Variants in TUBA8 observed in about 807,000 individuals in gnomAD.
TUBA8 encodes the protein tubulin alpha-8 chain.
TUBA8 carries 29 observed loss-of-function variants against 34.7 expected under a neutral mutation model. The observed-to-expected ratio is 0.84, with a 90% CI of 0.62 to 1.14. The LOEUF (loss-of-function observed/expected upper bound fraction) is 1.14, where lower values mean the gene tolerates loss of function less well. TUBA8 is among the 50% of genes most tolerant of loss of function. TUBA8 has a pLI of 0.00. For missense variants in TUBA8, 541 were observed against 599.2 expected, an observed-to-expected ratio of 0.90 and a Z score of 1.01; for synonymous variants, 226 against 231.2, an observed-to-expected ratio of 0.98 and a Z score of 0.21.
rs1398902987 is a variant in TUBA8, at chr22:18,118,623, T to C, written c.4-2856T>C. The C allele has an allele frequency of 6.6e-6, 1 of 152,252 alleles. No homozygotes were observed. Among genetic ancestry groups the C allele is most frequent in the Non-Finnish European group, 1.5e-5 (1 of 68,054 alleles). The allele number at this position is 152,252 out of a possible 1,614,324, so 9.4% of individuals were successfully genotyped here. On this transcript the variant is annotated intron_variant, in intron 1 of 4. Transcript: ENST00000330423. The surrounding 1 kb of genome is among the most constrained non-coding windows in gnomAD (Gnocchi z 4.0). ...AGCAGGGATCTTCCTTCTCTCTTGA[T>C]TGGTGTAGCTACTTTTCACTTTTGA...
chr22:18,131,283 A>T lies in TUBA8; in HGVS notation c.*147A>T, dbSNP rs1857907640. ...GCCTGGCCCCAGTACCCAGGGTGGCACGACTGGGCTAAGTGGACACTGAGC... is the reference window on the plus strand; with the variant it reads ...GCCTGGCCCCAGTACCCAGGGTGGCTCGACTGGGCTAAGTGGACACTGAGC... On this transcript the variant is annotated 3_prime_UTR_variant, in exon 5 of 5. Coordinates refer to ENST00000330423, the MANE Select transcript of TUBA8 (RefSeq NM_018943.3). This position sits in a 1 kb window ranked among gnomAD's most constrained non-coding sequence, Gnocchi z 5.3. 1 of 803,970 alleles carries T rather than the reference A, an allele frequency of 1.2e-6. No individual in the cohort carries two copies. The highest frequency in any genetic ancestry group is 2.0e-6 in the Non-Finnish European group (1 of 495,106). The allele number at this position is 803,970 out of a possible 1,614,324, so 49.8% of individuals were successfully genotyped here.
chr22:18,124,071 A>AGTTTTAT lies in TUBA8; in HGVS notation c.227-85_227-84insGTTTTAT, dbSNP rs1223570358. On this transcript the variant is annotated intron_variant, in intron 2 of 4. Transcript: ENST00000330423. This position sits in a 1 kb window ranked among gnomAD's most constrained non-coding sequence, Gnocchi z 4.3. ...CCATGGAGTTTTATAGGTAGGGGAG[A>AGTTTTAT]ACGGAAGGGGTCCTGCGGTAGTGTG... 1 of 1,551,762 alleles carries AGTTTTAT rather than the reference A, an allele frequency of 6.4e-7. No individual in the cohort carries two copies. The highest frequency in any genetic ancestry group is 8.9e-7 in the Non-Finnish European group (1 of 1,127,996).
rs1212228793 is a variant in TUBA8, at chr22:18,121,523, T to G, written c.48T>G (p.Ile16Met). ...SVHVGQAGVQ[I>M]GNACWELFCL... ...ACGTGGGCCAAGCGGGAGTTCAGAT[T>G]GGCAATGCCTGCTGGGAGCTCTTCT... The change falls in exon 2 of 5, where the codon ATT becomes ATG. Residue 16 changes from isoleucine (I) to methionine (M), a missense_variant. Coordinates refer to ENST00000330423, the MANE Select transcript of TUBA8 (RefSeq NM_018943.3). This position sits in a 1 kb window ranked among gnomAD's most constrained non-coding sequence, Gnocchi z 4.8. The G allele has an allele frequency of 6.2e-7, 1 of 1,614,074 alleles. No individual in the cohort carries two copies.
rs1928316493 is a variant in TUBA8, at chr22:18,126,354, A to G, written c.376A>G (p.Thr126Ala). The G allele has an allele frequency of 1.2e-6, 2 of 1,614,070 alleles. No homozygotes were observed. Among genetic ancestry groups the G allele is most frequent in the Non-Finnish European group, 1.7e-6 (2 of 1,180,004 alleles). ...TCTTCTCATGTCCTGCTCTCCCTAG[A>G]CAGATGCTTGCTCTGGCCTGCAGGG... The part of the protein sequence containing the change: ...DLVLDRIRKL[T>A]DACSGLQGFL... The change falls in exon 4 of 5, where the codon ACA (threonine) becomes GCA (alanine). Residue 126 changes from threonine to alanine, a missense_variant and splice_region_variant. Coordinates refer to ENST00000330423, the MANE Select transcript of TUBA8 (RefSeq NM_018943.3). This position sits in a 1 kb window ranked among gnomAD's most constrained non-coding sequence, Gnocchi z 4.0.
At position 18,121,357 on chromosome 22, in the gene TUBA8, C is replaced by T. The variant is rs755089590; in HGVS notation, c.4-122C>T. On this transcript the variant is annotated intron_variant, in intron 1 of 4. Coordinates refer to ENST00000330423, the MANE Select transcript of TUBA8 (RefSeq NM_018943.3). This position sits in a 1 kb window ranked among gnomAD's most constrained non-coding sequence, Gnocchi z 4.8. ...AGAGCTGGGGCACCTGCAGCCTCAA[C>T]GCCAACTGGCAATGGGGGGCTGGGG... The T allele has an allele frequency of 1.5e-4, 122 of 839,496 alleles. 1 individual carries two copies. Among genetic ancestry groups the T allele is most frequent in the South Asian group, 1.4e-3 (93 of 68,250 alleles). The allele number at this position is 839,496 out of a possible 1,614,324, so 52.0% of individuals were successfully genotyped here.
chr22:18,130,932 G>A lies in TUBA8; in HGVS notation c.1146G>A (p.Thr382=), dbSNP rs1466255305. Residue 382 remains threonine (T), a synonymous_variant, in exon 5 of 5, where the codon ACG becomes ACA. Transcript: ENST00000330423. ...CCGTCTGCATGCTCAGCAACACCAC[G>A]GCCATTGCGGAGGCCTGGGCCCGCC... The part of the protein sequence containing the change: ...QRAVCMLSNT[T]AIAEAWARLD... The A allele has an allele frequency of 1.2e-5, 19 of 1,614,168 alleles. No homozygotes were observed. The highest frequency in any genetic ancestry group is 1.5e-5 in the Non-Finnish European group (18 of 1,180,034).
Position 18,121,927 on chromosome 22 carries a change from C to A in TUBA8, c.226+226C>A. 1 of 559,614 alleles carries A rather than the reference C, an allele frequency of 1.8e-6. No homozygotes were observed. Among genetic ancestry groups the A allele is most frequent in the Non-Finnish European group, 3.2e-6 (1 of 313,170 alleles). 34.7% of individuals were successfully genotyped at this position (559,614 alleles called of 1,614,324 possible). A position where few individuals can be genotyped will look rare whatever the true frequency, so the allele number is the denominator to read the frequency against. ...CAGAACAAAATGCCTCCCACTTCAA[C>A]CCCAAAACCTGCGGCACCAGGTCAA... On this transcript the variant is annotated intron_variant, in intron 2 of 4. Coordinates refer to ENST00000330423, the MANE Select transcript of TUBA8 (RefSeq NM_018943.3). This position sits in a 1 kb window ranked among gnomAD's most constrained non-coding sequence, Gnocchi z 4.8.
chr22:18,127,639 C>G (rs865801980), intron 4 of TUBA8: 4 of 150,536 alleles, frequency 2.7e-5, no homozygotes, highest in Admixed American at 2.0e-4. Flanking sequence ...GTGATCCGCC[C>G]GCCTTGGCCT....
chr22:18,131,272 C>T lies in TUBA8; in HGVS notation c.*136C>T, dbSNP rs779285154. ...AGGAGGAGGGTGCCTGGCCCCAGTA[C>T]CCAGGGTGGCACGACTGGGCTAAGT... On this transcript the variant is annotated 3_prime_UTR_variant, in exon 5 of 5. Coordinates refer to ENST00000330423, the MANE Select transcript of TUBA8 (RefSeq NM_018943.3). The surrounding 1 kb of genome is among the most constrained non-coding windows in gnomAD (Gnocchi z 5.3). 1.1e-4 allele frequency: 104 copies of T among 938,706 alleles called. 3 individuals are homozygous for T. In the South Asian group the frequency reaches 1.5e-3, roughly 13 times the overall value. 58.1% of individuals were successfully genotyped at this position (938,706 alleles called of 1,614,324 possible).
chr22:18,126,964 A>C lies in TUBA8; in HGVS notation c.986A>C (p.Asn329Thr). Residue 329 changes from asparagine to threonine, a missense_variant, in exon 4 of 5, where the codon AAT becomes ACT. Coordinates refer to ENST00000330423, the MANE Select transcript of TUBA8 (RefSeq NM_018943.3). The surrounding 1 kb of genome is among the most constrained non-coding windows in gnomAD (Gnocchi z 4.0). ...YRGDVVPKDVNVAIAAIKTKR... is the reference protein window; with the variant it reads ...YRGDVVPKDVTVAIAAIKTKR... ...GGCGACGTGGTGCCCAAGGATGTGA[A>C]TGTCGCTATTGCTGCCATCAAGACC... is the stretch of plus-strand genomic sequence containing the variant. 6.2e-7 allele frequency: 1 copy of C among 1,613,648 alleles called. No individual in the cohort carries two copies. Among genetic ancestry groups the C allele is most frequent in the African/African-American group, 1.3e-5 (1 of 74,972 alleles).
intron 4 of TUBA8, chr22:18,129,639 AG>A (rs1236121622): frequency 5.9e-5 from 9 of 152,186 alleles, no homozygotes; most frequent in Admixed American, 5.9e-4. Flanking sequence ...TGTGCCTAAG[AG>A]GAATGACGGC....
Position 18,121,010 on chromosome 22 carries a change from C to G in TUBA8, c.4-469C>G, listed in dbSNP as rs1928128080. 5.4e-6 allele frequency: 1 copy of G among 185,868 alleles called. No individual in the cohort carries two copies. Among genetic ancestry groups the G allele is most frequent in the Non-Finnish European group, 1.1e-5 (1 of 87,326 alleles). 11.5% of individuals were successfully genotyped at this position (185,868 alleles called of 1,614,324 possible). ...CCAGAGCATGTTCCTTTCATGAGTG[C>G]TCATTTGCTCTGTGATATCCTGAGA... On this transcript the variant is annotated intron_variant, in intron 1 of 4. Coordinates refer to ENST00000330423, the MANE Select transcript of TUBA8 (RefSeq NM_018943.3). This position sits in a 1 kb window ranked among gnomAD's most constrained non-coding sequence, Gnocchi z 4.8.
chr22:18,120,479 T>C (rs557592451), intron 1 of TUBA8: 4 of 152,364 alleles, frequency 2.6e-5, no homozygotes, highest in African/African-American at 9.6e-5. Context: ...TTTTGGGGGC[T>C]GCGTAGTATT....
At chr22:18,127,692 C>CA (rs750184770) in intron 4 of TUBA8, 2 of 90,862 alleles carry the variant, frequency 2.2e-5, no homozygotes, top group Non-Finnish European at 2.0e-5. Flanking sequence ...TGTGCCCGGA[C>CA]TTTTTTTTTT....
chr22:18,124,521 C>A lies in TUBA8; in HGVS notation c.375+217C>A. 1.7e-6 allele frequency: 1 copy of A among 572,746 alleles called. No homozygotes were observed. Among genetic ancestry groups the A allele is most frequent in the Non-Finnish European group, 3.0e-6 (1 of 328,380 alleles). 35.5% of individuals were successfully genotyped at this position (572,746 alleles called of 1,614,324 possible). On this transcript the variant is annotated intron_variant, in intron 3 of 4. Transcript: ENST00000330423. This position sits in a 1 kb window ranked among gnomAD's most constrained non-coding sequence, Gnocchi z 4.3. ...TCATAGACTGTGTTCCAGGCTGAGG[C>A]CCTACTCATACTCATTGATACTCTC...
chr22:18,129,355 G>GTT (rs1928428318), intron 4 of TUBA8: 1 of 152,150 alleles, frequency 6.6e-6, no homozygotes, highest in African/African-American at 2.4e-5. Flanking sequence ...GGATCATTAT[G>GTT]GTAGCATTAG....
chr22:18,115,107 G>T (rs540808854), intron 1 of TUBA8: 2 of 152,280 alleles, frequency 1.3e-5, no homozygotes, highest in Admixed American at 6.5e-5. Flanking sequence ...ACAGGGCAGT[G>T]GCTCCCCAGG....
In TUBA8 at chr22:18,121,439, G is replaced by T. The variant is rs779041477; in HGVS notation, c.4-40G>T. 3 of 1,569,484 alleles carry T rather than the reference G, an allele frequency of 1.9e-6. No homozygotes were observed. Among genetic ancestry groups the T allele is most frequent in the South Asian group, 1.1e-5 (1 of 90,112 alleles). The stretch of plus-strand genomic sequence containing the variant: ...GATGTAGGGCAAAGGCATGCTGGGG[G>T]CCCAGACTCTCTGACCTCGTTGCTT... On this transcript the variant is annotated intron_variant, in intron 1 of 4. Transcript: ENST00000330423. This position sits in a 1 kb window ranked among gnomAD's most constrained non-coding sequence, Gnocchi z 4.8.
rs760543651 is a variant in TUBA8 at position 18,126,973 on chromosome 22, T to C, written c.995T>C (p.Ile332Thr). The change falls in exon 4 of 5, where the codon ATT becomes ACT. Residue 332 changes from isoleucine to threonine, a missense_variant. Transcript: ENST00000330423. This position sits in a 1 kb window ranked among gnomAD's most constrained non-coding sequence, Gnocchi z 4.0. ...GTGCCCAAGGATGTGAATGTCGCTA[T>C]TGCTGCCATCAAGACCAAGAGGACC... ...DVVPKDVNVA[I>T]AAIKTKRTIQ... is the part of the protein sequence containing the mutation. 89 of 1,613,752 alleles carry C rather than the reference T, an allele frequency of 5.5e-5. 1 individual carries two copies. The highest frequency in any genetic ancestry group is 1.4e-4 in the South Asian group (13 of 91,052).
Sources: allele counts gnomAD v4.1 joint callset, GRCh38; gene constraint gnomAD v4.1.1; non-coding constraint Gnocchi (gnomAD v3.1); transcripts MANE v1.5; gene names NCBI Gene and HGNC (gene_info 2026-07-23, HGNC 2026-07-21).